Variants in RBM6 observed in about 807,000 individuals in gnomAD.
RBM6 encodes RNA binding motif protein 6, also known as RNA-binding protein 6.
In RBM6, 23 loss-of-function variants were observed where a neutral mutation model predicts 140.4. That is an observed-to-expected ratio of 0.16 (90% CI 0.12 to 0.23). RBM6 has a LOEUF of 0.23. RBM6 is among the 10% of genes least tolerant of loss of function. The pLI is 1.00. For missense variants in RBM6, 1,139 were observed against 1,386.7 expected, an observed-to-expected ratio of 0.82 and a Z score of 2.84; for synonymous variants, 439 against 475.6, an observed-to-expected ratio of 0.92 and a Z score of 1.00.
chr3:50,064,964 A>T (rs1432557224), intron 15 of RBM6, 67 bp from the exon 16 acceptor site: 6 of 1,381,676 alleles, frequency 4.3e-6, no homozygotes, highest in Non-Finnish European at 6.1e-6. Context: ...GAGCCACCGC[A>T]CCCAGCCCAG....
At chr3:49,952,502 GTTT>G (rs36056766) in intron 1 of RBM6, among the ~76,000 whole-genome samples, 1 of 138,720 alleles carries the variant, frequency 7.2e-6, no homozygotes. Context: ...CTTATCCTTT[GTTT>G]TTTTTTTTTT....
chr3:49,991,485 G>C (rs1045418606), intron 5 of RBM6, among the ~76,000 whole-genome samples: 3 of 152,146 alleles, frequency 2.0e-5, no homozygotes, highest in Non-Finnish European at 2.9e-5. Flanking sequence ...AAGCTATCTA[G>C]GGGCTTTCCA....
In RBM6 at chr3:50,070,516, A is replaced by T; in HGVS notation, c.3080A>T (p.Glu1027Val). The T allele has an allele frequency of 6.2e-7, 1 of 1,614,008 alleles. No individual in the cohort carries two copies. Among genetic ancestry groups the T allele is most frequent in the Non-Finnish European group, 8.5e-7 (1 of 1,179,888 alleles). ...REKLQSFDSPERKRIKYSRET... is the reference protein window; with the variant it reads ...REKLQSFDSPVRKRIKYSRET... ...AAGCTCCAGTCTTTTGACTCTCCAG[A>T]AAGGAAACGGATTAAGTACTCCAGG... Residue 1027 changes from glutamate to valine, a missense_variant, in exon 19 of 21, where the codon GAA becomes GTA. Physicochemically the swap from Glu to Val is moderately radical, Grantham distance 121 (BLOSUM62 -2). Transcript: ENST00000266022.
At chr3:49,969,761 C>G (rs2084698998) in intron 3 of RBM6, among the ~76,000 whole-genome samples, 1 of 151,214 alleles carries the variant, frequency 6.6e-6, no homozygotes, top group African/African-American at 2.4e-5. Flanking sequence ...GCCACTATGC[C>G]TGGCTAGTTT....
chr3:50,047,150 T>C, intron 6 of RBM6: 1 of 984,054 alleles, frequency 1.0e-6, no homozygotes, highest in Non-Finnish European at 1.2e-6. Flanking sequence ...TTTTTTGATG[T>C]GAAAAGCAGA....
intron 5 of RBM6, among the ~76,000 whole-genome samples, chr3:49,980,562 C>T (rs1011564735): frequency 2.6e-5 from 4 of 151,418 alleles, no homozygotes; most frequent in Admixed American, 2.0e-4. Flanking sequence ...GAGTTTGAGA[C>T]CAGCCTGGCC....
chr3:50,012,738 C>CTTTTTT (rs1354297345), intron 6 of RBM6, among the ~76,000 whole-genome samples: 3 of 120,842 alleles, frequency 2.5e-5, no homozygotes, highest in Non-Finnish European at 5.0e-5. Context: ...TAGATTCTAC[C>CTTTTTT]TTTTTTTTTT....
Position 50,066,228 on chromosome 3 carries a change from C to T in RBM6, c.2683-14C>T, listed in dbSNP as rs375876328. 2.5e-6 allele frequency: 4 copies of T among 1,603,212 alleles called. No homozygotes were observed. The highest frequency in any genetic ancestry group is 2.7e-5 in the African/African-American group (2 of 74,600). On this transcript the variant is annotated splice_polypyrimidine_tract_variant and intron_variant, in intron 16 of 20. Transcript: ENST00000266022. Reference sequence around the variant, plus strand: ...GGTTGAATTTGGTATTGATCCCTGGCCTTCTCCTTCCAGCCTAAAGTGGTA... The same window carrying T: ...GGTTGAATTTGGTATTGATCCCTGGTCTTCTCCTTCCAGCCTAAAGTGGTA...
chr3:50,006,259 C>G (rs1411431364), intron 6 of RBM6, among the ~76,000 whole-genome samples: 1 of 151,698 alleles, frequency 6.6e-6, no homozygotes, highest in Admixed American at 6.6e-5. Flanking sequence ...CCTTAGCCTC[C>G]CGAGTAACTG....
At chr3:49,990,786 A>C (rs892656741) in intron 5 of RBM6, among the ~76,000 whole-genome samples, 2 of 152,212 alleles carry the variant, frequency 1.3e-5, no homozygotes, top group African/African-American at 4.8e-5. Flanking sequence ...GGGGAAAAAC[A>C]AGCCCCAGGT....
chr3:49,967,470 T>C lies in RBM6; in HGVS notation c.45T>C (p.Arg15=), dbSNP rs767821012. ...SRPANRTGPF[R]GSQEERFAPG... Reference sequence around the variant, plus strand: ...AATAACACTGTCTTTGTTTCTACAGTGGGAGCCAAGAAGAAAGGTTTGCTC... The same window carrying C: ...AATAACACTGTCTTTGTTTCTACAGCGGGAGCCAAGAAGAAAGGTTTGCTC... The change falls in exon 3 of 21, where the codon CGT becomes CGC. Residue 15 remains arginine, a splice_region_variant and synonymous_variant. Coordinates refer to ENST00000266022, the MANE Select transcript of RBM6 (RefSeq NM_005777.3). The surrounding 1 kb of genome is among the most constrained non-coding windows in gnomAD (Gnocchi z 4.0). 1 of 1,612,502 alleles carries C rather than the reference T, an allele frequency of 6.2e-7. No homozygotes were observed. Among genetic ancestry groups the C allele is most frequent in the South Asian group, 1.1e-5 (1 of 91,018 alleles).
At chr3:50,071,946 C>T (rs2090312815) in intron 19 of RBM6, among the ~76,000 whole-genome samples, 1 of 150,922 alleles carries the variant, frequency 6.6e-6, no homozygotes, top group African/African-American at 2.4e-5. Flanking sequence ...TAGCTGGGCG[C>T]TGTGGCAGGC....
chr3:50,035,436 A>T (rs1054628939), intron 6 of RBM6, among the ~76,000 whole-genome samples: 1 of 152,066 alleles, frequency 6.6e-6, no homozygotes, highest in African/African-American at 2.4e-5. Context: ...TAATCTCAGC[A>T]CTTTGGGAGG....
At position 50,065,026 on chromosome 3, in the gene RBM6, A is replaced by G. The variant is rs1371892061; in HGVS notation, c.2587-5A>G. Reference sequence around the variant, plus strand: ...TCATGTGAGAGTTACCTCTGGTTTGATCAGTTTCAGGAAAATGCCAGTGAA... The same window carrying G: ...TCATGTGAGAGTTACCTCTGGTTTGGTCAGTTTCAGGAAAATGCCAGTGAA... On this transcript the variant is annotated splice_region_variant and splice_polypyrimidine_tract_variant and intron_variant, in intron 15 of 20. Transcript: ENST00000266022. 6.2e-7 allele frequency: 1 copy of G among 1,609,096 alleles called. No individual in the cohort carries two copies. Among genetic ancestry groups the G allele is most frequent in the Non-Finnish European group, 8.5e-7 (1 of 1,175,620 alleles).
At chr3:49,982,008 G>A (rs2085325503) in intron 5 of RBM6, among the ~76,000 whole-genome samples, 1 of 152,164 alleles carries the variant, frequency 6.6e-6, no homozygotes, top group Non-Finnish European at 1.5e-5. Context: ...TTTAGTACTG[G>A]TTTATTAACT....
At chr3:49,966,884 C>A (rs1038394958) in intron 2 of RBM6, among the ~76,000 whole-genome samples, 1 of 152,142 alleles carries the variant, frequency 6.6e-6, no homozygotes, top group African/African-American at 2.4e-5. Context: ...AGCTGGTGAA[C>A]ACTGGTGTGC....
intron 6 of RBM6, among the ~76,000 whole-genome samples, chr3:50,023,537 C>T (rs1296040229): frequency 1.3e-5 from 2 of 151,850 alleles, no homozygotes; most frequent in East Asian, 3.9e-4. Flanking sequence ...GACCGCAGTC[C>T]GTGCTAGTAT....
chr3:50,037,597 G>T (rs1464518011), intron 6 of RBM6, among the ~76,000 whole-genome samples: 1 of 152,164 alleles, frequency 6.6e-6, no homozygotes, highest in Admixed American at 6.6e-5. Context: ...AAGTACTTGG[G>T]TGGGAGGTGA....
At chr3:49,962,175 C>T (rs1204895863) in intron 1 of RBM6, among the ~76,000 whole-genome samples, 5 of 135,788 alleles carry the variant, frequency 3.7e-5, no homozygotes, top group African/African-American at 1.1e-4. Flanking sequence ...AAAAGAAGGC[C>T]GGGTGCAGTG....
Sources: gnomAD v4.1 joint callset for allele counts (sites outside exome capture counted in the v4.1 genomes callset) on GRCh38, gnomAD v4.1.1 for gene constraint, Gnocchi (gnomAD v3.1) non-coding constraint, MANE v1.5 for transcripts, NCBI Gene and HGNC (gene_info 2026-07-23, HGNC 2026-07-21) for gene names.